The following KCNJ1 variants were observed in gnomAD, a reference collection of about 807,000 sequenced individuals.
KCNJ1 encodes the protein potassium inwardly rectifying channel subfamily J member 1.
In KCNJ1, 24 loss-of-function variants were observed where a neutral mutation model predicts 21.9. That is an observed-to-expected ratio of 1.10 (90% CI 0.79 to 1.54). The LOEUF (loss-of-function observed/expected upper bound fraction) is 1.54. Among genes scored for constraint, KCNJ1 ranks in the 40% most tolerant of loss-of-function variants. The probability of loss-of-function intolerance (pLI) is 0.00; values close to 1 mark genes in which losing one functional copy is unlikely to be tolerated. For synonymous variants in KCNJ1, 152 were observed against 160.9 expected, an observed-to-expected ratio of 0.94 and a Z score of 0.42; for missense variants, 457 against 455.4, an observed-to-expected ratio of 1.00 and a Z score of -0.03.
chr11:128,859,514 G>T (rs1334004896), intron 1 of KCNJ1, among the ~76,000 whole-genome samples: 1 of 152,342 alleles, frequency 6.6e-6, no homozygotes, highest in East Asian at 1.9e-4. Context: ...CTCCCAAAGT[G>T]CTGGGATTAC....
chr11:128,840,294 G>T (rs142798603), intron 2 of KCNJ1, 30 bp from the exon 3 acceptor site: 1 of 1,607,784 alleles, frequency 6.2e-7, no homozygotes, highest in Non-Finnish European at 8.5e-7. Flanking sequence ...AAACAAAAAA[G>T]GATTATGTTT....
At chr11:128,842,943 G>A (rs1943312790) in intron 2 of KCNJ1, among the ~76,000 whole-genome samples, 1 of 152,150 alleles carries the variant, frequency 6.6e-6, no homozygotes, top group Non-Finnish European at 1.5e-5. Context: ...GATCACACCA[G>A]GAAGAAACAA....
chr11:128,849,249 T>G lies in KCNJ1; in HGVS notation c.-22+1472A>C, dbSNP rs559245074. On this transcript the variant is annotated intron_variant, in intron 2 of 2. Coordinates refer to ENST00000392666, the MANE Select transcript of KCNJ1 (RefSeq NM_153766.3). ...TTAGAAGAATCTAGATCTTCCCAACTGACAAGTCTTTGCTTTTAAGCCCTA... is the reference window on the plus strand; with the variant it reads ...TTAGAAGAATCTAGATCTTCCCAACGGACAAGTCTTTGCTTTTAAGCCCTA... 2.2e-4 allele frequency among the ~76,000 whole-genome samples: 33 copies of G among 152,352 alleles called. No individual in the cohort carries two copies. In the South Asian group the frequency reaches 6.8e-3, roughly 32 times the overall value.
rs140589575 is a variant in KCNJ1, at chr11:128,839,710, G to T, written c.534C>A (p.Asn178Lys). The change falls in exon 3 of 3, where the codon AAC becomes AAA. Residue 178 changes from asparagine (N) to lysine (K), a missense_variant. Transcript: ENST00000392666. ...KRAKTITFSK[N>K]AVISKRGGKL... The stretch of plus-strand genomic sequence containing the variant: ...TCCCTCCCCGTTTGCTGATCACTGC[G>T]TTCTTGCTGAACGTAATGGTCTTGG... 1.1e-5 allele frequency: 17 copies of T among 1,613,318 alleles called. No homozygotes were observed. The South Asian group carries it at 1.5e-4, about 15-fold the overall frequency.
chr11:128,867,069 C>G (rs562222904), intron 1 of KCNJ1, 104 bp downstream of exon 1: 1 of 152,184 alleles, frequency 6.6e-6, no homozygotes, highest in African/African-American at 2.4e-5. Flanking sequence ...CAGGAGTGGA[C>G]AGACAAGTCT....
At chr11:128,848,341 G>A (rs1290687757) in intron 2 of KCNJ1, among the ~76,000 whole-genome samples, 2 of 148,078 alleles carry the variant, frequency 1.4e-5, no homozygotes, top group Admixed American at 1.4e-4. Context: ...GCACCACCAT[G>A]CCCAGCTGAT....
At chr11:128,847,428 C>T (rs913326063) in intron 2 of KCNJ1, among the ~76,000 whole-genome samples, 5 of 152,330 alleles carry the variant, frequency 3.3e-5, no homozygotes, top group South Asian at 2.1e-4. Context: ...AATTCCATTC[C>T]GTGGCTTCCA....
At chr11:128,843,372 G>T (rs1466646347) in intron 2 of KCNJ1, among the ~76,000 whole-genome samples, 1 of 152,174 alleles carries the variant, frequency 6.6e-6, no homozygotes, top group Non-Finnish European at 1.5e-5. Flanking sequence ...TTAATAGCAA[G>T]CAAAGGGCTG....
intron 1 of KCNJ1, among the ~76,000 whole-genome samples, chr11:128,862,509 C>T (rs1391424111): frequency 2.0e-5 from 3 of 152,318 alleles, no homozygotes; most frequent in Admixed American, 1.3e-4. Context: ...CCTCCATCCC[C>T]CCCGGGGCTG....
In KCNJ1 at chr11:128,840,149, A is replaced by G. The variant is rs530183813; in HGVS notation, c.95T>C (p.Ile32Thr). 1 of 1,614,190 alleles carries G rather than the reference A, an allele frequency of 6.2e-7. No homozygotes were observed. The highest frequency in any genetic ancestry group is 2.2e-5 in the East Asian group (1 of 44,886). Residue 32 changes from isoleucine to threonine, a missense_variant, in exon 3 of 3, where the codon ATA becomes ACA. By Grantham distance (89) the Ile-to-Thr change is moderately conservative. Transcript: ENST00000392666. Reference protein sequence around the residue: ...RLVSKDGRCNIEFGNVEAQSR... With the variant: ...RLVSKDGRCNTEFGNVEAQSR... Reference sequence around the variant, plus strand: ...CTGTGCCTCCACATTGCCAAATTCTATGTTGCACCTTCCATCTTTGGAGAC... The same window carrying G: ...CTGTGCCTCCACATTGCCAAATTCTGTGTTGCACCTTCCATCTTTGGAGAC...
chr11:128,862,431 TC>T (rs200313737), intron 1 of KCNJ1, among the ~76,000 whole-genome samples: 1,679 of 152,186 alleles, frequency 0.011, 38 homozygotes, highest in African/African-American at 0.038. Flanking sequence ...GTCTCCTGAC[TC>T]CCCTTCTCCA....
intron 2 of KCNJ1, among the ~76,000 whole-genome samples, chr11:128,843,757 T>C (rs2135944359): frequency 6.6e-6 from 1 of 152,376 alleles, no homozygotes; most frequent in Non-Finnish European, 1.5e-5. Flanking sequence ...TGCATTTATG[T>C]ATACATTAAT....
At chr11:128,857,317 T>C (rs1326764316) in intron 1 of KCNJ1, among the ~76,000 whole-genome samples, 1 of 152,212 alleles carries the variant, frequency 6.6e-6, no homozygotes, top group Non-Finnish European at 1.5e-5. Context: ...TTCCATCTCT[T>C]ATCAAGAGTG....
intron 1 of KCNJ1, among the ~76,000 whole-genome samples, chr11:128,862,069 T>G (rs899850423): frequency 6.6e-6 from 1 of 152,124 alleles, no homozygotes; most frequent in African/African-American, 2.4e-5. Context: ...GCACCGCTCA[T>G]CTTGCTGCAG....
intron 2 of KCNJ1, among the ~76,000 whole-genome samples, chr11:128,847,292 T>C (rs1943398532): frequency 6.6e-6 from 1 of 152,144 alleles, no homozygotes; most frequent in African/African-American, 2.4e-5. Flanking sequence ...TCCAACTTGC[T>C]CAAATACAGG....
chr11:128,840,013 A>T lies in KCNJ1; in HGVS notation c.231T>A (p.Gly77=). ...TGTACGCTACTGCATACCACAGGAG[A>T]CCAAAGAAAAACCAACTCCCCAAGA... ...TAFLGSWFFF[G]LLWYAVAYIH... is the part of the protein sequence containing the mutation. Residue 77 remains glycine, a synonymous_variant, in exon 3 of 3, where the codon GGT becomes GGA. Coordinates refer to ENST00000392666, the MANE Select transcript of KCNJ1 (RefSeq NM_153766.3). 6.2e-7 allele frequency: 1 copy of T among 1,613,960 alleles called. No homozygotes were observed. Among genetic ancestry groups the T allele is most frequent in the Non-Finnish European group, 8.5e-7 (1 of 1,179,944 alleles).
At chr11:128,862,664 A>C (rs1247665293) in intron 1 of KCNJ1, among the ~76,000 whole-genome samples, 1 of 152,212 alleles carries the variant, frequency 6.6e-6, no homozygotes, top group Non-Finnish European at 1.5e-5. Flanking sequence ...TCTGCAGCAT[A>C]GGGACTGTGT....
intron 1 of KCNJ1, among the ~76,000 whole-genome samples, chr11:128,852,738 A>T (rs1471208254): frequency 6.6e-6 from 1 of 152,236 alleles, no homozygotes; most frequent in Admixed American, 6.5e-5. Context: ...TCAGAACAGG[A>T]CACTGCCCGG....
chr11:128,855,693 A>G (rs1168742839), intron 1 of KCNJ1, among the ~76,000 whole-genome samples: 1 of 152,202 alleles, frequency 6.6e-6, no homozygotes, highest in Non-Finnish European at 1.5e-5. Flanking sequence ...AAATAAGGAA[A>G]TCTGTTTCCC....
Sources: allele counts gnomAD v4.1 joint callset (sites outside exome capture counted in the v4.1 genomes callset), GRCh38; gene constraint gnomAD v4.1.1; transcripts MANE v1.5; gene names NCBI Gene and HGNC (gene_info 2026-07-23, HGNC 2026-07-21).